Variants in NELL1 observed in about 807,000 individuals in gnomAD.
NELL1 encodes neural EGFL like 1, also known as protein kinase C-binding protein NELL1.
NELL1 carries 76 observed loss-of-function variants against 107.4 expected under a neutral mutation model. That is an observed-to-expected ratio of 0.71 (90% CI 0.59 to 0.86). The LOEUF (loss-of-function observed/expected upper bound fraction) is 0.86, where lower values mean the gene tolerates loss of function less well. NELL1 is among the 40% of genes least tolerant of loss of function. The pLI, the probability that NELL1 is intolerant of heterozygous loss-of-function variation, is 0.00. For synonymous variants in NELL1, 353 were observed against 341.2 expected (o/e 1.03, Z -0.38); for missense variants, 1,024 against 1,005.5 (o/e 1.02, Z -0.25).
chr11:20,721,247 T>TATATAC (rs553780623), intron 2 of NELL1, among the ~76,000 whole-genome samples: 1 of 146,920 alleles, frequency 6.8e-6, no homozygotes, highest in South Asian at 2.1e-4. Context: ...TATATATATA[T>TATATAC]ATTTATTTGT....
At chr11:20,714,299 G>A (rs1228572130) in intron 2 of NELL1, among the ~76,000 whole-genome samples, 1 of 141,956 alleles carries the variant, frequency 7.0e-6, no homozygotes, top group Non-Finnish European at 1.5e-5. Context: ...TACCTCCCAG[G>A]CTCAAGCAGT....
chr11:21,558,076 G>A (rs1856764789), intron 16 of NELL1, among the ~76,000 whole-genome samples: 1 of 151,888 alleles, frequency 6.6e-6, no homozygotes, highest in African/African-American at 2.4e-5. Flanking sequence ...GAGATGGTGA[G>A]GCTTAACCTG....
At chr11:21,542,922 A>T (rs1440859444) in intron 16 of NELL1, among the ~76,000 whole-genome samples, 1 of 152,068 alleles carries the variant, frequency 6.6e-6, no homozygotes, top group Non-Finnish European at 1.5e-5. Context: ...GCAAAATGGG[A>T]AACATGAGTA....
intron 12 of NELL1, among the ~76,000 whole-genome samples, chr11:21,046,398 C>T (rs1006192209): frequency 1.3e-5 from 2 of 152,124 alleles, no homozygotes; most frequent in African/African-American, 4.8e-5. Context: ...CTGTTTCAGC[C>T]TAGATTGGGT....
intron 14 of NELL1, among the ~76,000 whole-genome samples, chr11:21,364,284 G>A (rs530797661): frequency 2.0e-5 from 3 of 151,720 alleles, no homozygotes; most frequent in African/African-American, 7.3e-5. Context: ...GGTGGCGGGT[G>A]CCTATAATCC....
chr11:20,677,875 C>T (rs1156860493), intron 1 of NELL1, 57 bp from the exon 2 acceptor site: 1 of 1,602,346 alleles, frequency 6.2e-7, no homozygotes, highest in Non-Finnish European at 8.5e-7. Flanking sequence ...TCTGTAACCT[C>T]TGAATGCTAG....
intron 15 of NELL1, among the ~76,000 whole-genome samples, chr11:21,423,529 G>C (rs1852745537): frequency 6.6e-6 from 1 of 152,100 alleles, no homozygotes; most frequent in Non-Finnish European, 1.5e-5. Flanking sequence ...CTAAAATCAT[G>C]ATTGGAGACT....
chr11:21,517,323 C>G (rs1381008898), intron 15 of NELL1, among the ~76,000 whole-genome samples: 4 of 152,096 alleles, frequency 2.6e-5, no homozygotes, highest in Admixed American at 2.6e-4. Context: ...CATTTTCAAA[C>G]AAATAAATAA....
intron 12 of NELL1, among the ~76,000 whole-genome samples, chr11:21,045,147 G>A (rs1853326075): frequency 6.6e-6 from 1 of 152,118 alleles, no homozygotes; most frequent in African/African-American, 2.4e-5. Flanking sequence ...ATAGATTAAC[G>A]GATTGGTATC....
intron 13 of NELL1, among the ~76,000 whole-genome samples, chr11:21,128,156 C>T (rs552354536): frequency 2.5e-4 from 38 of 152,104 alleles, no homozygotes; most frequent in Non-Finnish European, 5.1e-4. Flanking sequence ...GGTTAAAGAG[C>T]TCTGTAATCT....
chr11:21,380,661 C>A (rs571848358), intron 15 of NELL1, among the ~76,000 whole-genome samples: 42 of 151,992 alleles, frequency 2.8e-4, no homozygotes, highest in Non-Finnish European at 5.6e-4. Flanking sequence ...ATTTCACAAC[C>A]CTGTCCTTGA....
At chr11:20,808,734 T>C (rs1857437992) in intron 3 of NELL1, among the ~76,000 whole-genome samples, 1 of 152,240 alleles carries the variant, frequency 6.6e-6, no homozygotes, top group Admixed American at 6.5e-5. Flanking sequence ...CTTGACTAAA[T>C]GCTCTCACTG....
At chr11:21,454,706 A>G (rs552805629) in intron 15 of NELL1, among the ~76,000 whole-genome samples, 1 of 152,298 alleles carries the variant, frequency 6.6e-6, no homozygotes, top group South Asian at 2.1e-4. Context: ...GGCAGATTTG[A>G]TTACTGTAAA....
chr11:21,043,363 A>G (rs1045847489), intron 12 of NELL1, among the ~76,000 whole-genome samples: 2 of 152,170 alleles, frequency 1.3e-5, no homozygotes, highest in African/African-American at 2.4e-5. Context: ...ACAGATTTTA[A>G]TACATGCTAG....
chr11:21,272,590 T>C (rs1365857982), intron 14 of NELL1, among the ~76,000 whole-genome samples: 3 of 152,222 alleles, frequency 2.0e-5, no homozygotes, highest in African/African-American at 7.2e-5. Context: ...CATCTGAGAA[T>C]GGACAGACTG....
chr11:20,983,162 C>T (rs1851783138), intron 12 of NELL1, among the ~76,000 whole-genome samples: 1 of 152,094 alleles, frequency 6.6e-6, no homozygotes, highest in Non-Finnish European at 1.5e-5. Flanking sequence ...GTATCAGTAT[C>T]CTCAATAGCA....
chr11:21,315,663 T>C (rs142191164), intron 14 of NELL1, among the ~76,000 whole-genome samples: 1 of 152,336 alleles, frequency 6.6e-6, no homozygotes, highest in Non-Finnish European at 1.5e-5. Flanking sequence ...TTCTGAATGA[T>C]TGCCACATTT....
chr11:21,306,291 A>T (rs1043883332), intron 14 of NELL1, among the ~76,000 whole-genome samples: 11 of 152,062 alleles, frequency 7.2e-5, no homozygotes, highest in African/African-American at 1.9e-4. Flanking sequence ...GGGTCATTTC[A>T]TCTATAAGAG....
At chr11:21,521,992 G>A (rs912812690) in intron 15 of NELL1, among the ~76,000 whole-genome samples, 9 of 152,022 alleles carry the variant, frequency 5.9e-5, no homozygotes, top group Admixed American at 2.6e-4. Flanking sequence ...TATAAATTCC[G>A]GATATTCGTT....
Sources: gnomAD v4.1 joint callset for allele counts (sites outside exome capture counted in the v4.1 genomes callset) on GRCh38, gnomAD v4.1.1 for gene constraint, MANE v1.5 for transcripts, NCBI Gene and HGNC (gene_info 2026-07-23, HGNC 2026-07-21) for gene names.